The following PCDH15 variants were observed in gnomAD, a reference collection of about 807,000 sequenced individuals.
PCDH15 encodes the protein protocadherin related 15.
Under a neutral mutation model 178.5 loss-of-function variants are expected in PCDH15, and 129 were observed. That is an observed-to-expected ratio of 0.72 (90% CI 0.63 to 0.84). The LOEUF (loss-of-function observed/expected upper bound fraction) is 0.84, where lower values mean the gene tolerates loss of function less well. PCDH15 is among the 40% of genes least tolerant of loss of function. The probability of loss-of-function intolerance (pLI) is 0.00; values close to 1 mark genes in which losing one functional copy is unlikely to be tolerated. For missense variants in PCDH15, 2,230 were observed against 2,099.9 expected (o/e 1.06, Z -1.21); for synonymous variants, 800 against 732.0 (o/e 1.09, Z -1.50).
intron 1 of PCDH15, among the ~76,000 whole-genome samples, chr10:54,697,678 A>G (rs2095252126): frequency 1.0e-5 from 1 of 99,476 alleles, no homozygotes; most frequent in Non-Finnish European, 2.0e-5. Flanking sequence ...GGGAAGGGGA[A>G]GGGAGGAAGG....
chr10:54,492,272 G>A (rs1033129147), intron 3 of PCDH15, among the ~76,000 whole-genome samples: 3 of 152,144 alleles, frequency 2.0e-5, no homozygotes, highest in Non-Finnish European at 4.4e-5. Context: ...ACCACTCCCA[G>A]TAGAGAGATG....
intron 10 of PCDH15, among the ~76,000 whole-genome samples, chr10:54,208,962 CTT>C (rs1268567853): frequency 1.3e-5 from 2 of 151,994 alleles, no homozygotes; most frequent in Admixed American, 6.6e-5. Context: ...GTTTCCATCT[CTT>C]GTCTTTTTTT....
chr10:54,469,828 GTGT>G (rs2077775055), intron 3 of PCDH15, among the ~76,000 whole-genome samples: 1 of 152,124 alleles, frequency 6.6e-6, no homozygotes, highest in African/African-American at 2.4e-5. Context: ...ATCTGTACTG[GTGT>G]TGGTGGTGGC....
intron 2 of PCDH15, among the ~76,000 whole-genome samples, chr10:54,921,922 C>A (rs1389025148): frequency 6.6e-6 from 1 of 152,078 alleles, no homozygotes; most frequent in African/African-American, 2.4e-5. Flanking sequence ...CATGGTGGAG[C>A]AGAAGAGAAA....
At chr10:54,597,835 C>G (rs1365102158) in intron 2 of PCDH15, among the ~76,000 whole-genome samples, 3 of 152,028 alleles carry the variant, frequency 2.0e-5, no homozygotes, top group African/African-American at 7.2e-5. Flanking sequence ...TACAAATAAC[C>G]ATCAGAGACT....
intron 1 of PCDH15, among the ~76,000 whole-genome samples, chr10:54,690,068 C>T (rs1227543219): frequency 2.0e-5 from 3 of 152,000 alleles, no homozygotes; most frequent in Non-Finnish European, 4.4e-5. Context: ...TAATAATGGA[C>T]CACATATATG....
chr10:53,867,434 C>T (rs970075146), intron 26 of PCDH15, among the ~76,000 whole-genome samples: 2 of 152,048 alleles, frequency 1.3e-5, no homozygotes, highest in African/African-American at 4.8e-5. Context: ...GACAGATATG[C>T]TAATTACCCT....
At chr10:54,294,432 G>T (rs747243663) in intron 8 of PCDH15, among the ~76,000 whole-genome samples, 28 of 152,122 alleles carry the variant, frequency 1.8e-4, no homozygotes, top group Non-Finnish European at 3.5e-4. Context: ...TCTGCACGTT[G>T]TACACATGTA....
intron 8 of PCDH15, among the ~76,000 whole-genome samples, chr10:54,295,918 G>A (rs1000914362): frequency 1.3e-5 from 2 of 151,060 alleles, no homozygotes; most frequent in Admixed American, 6.6e-5. Flanking sequence ...GCCGAGGCGG[G>A]CGGATCACGA....
At chr10:54,179,675 C>A (rs1236359496) in intron 13 of PCDH15, among the ~76,000 whole-genome samples, 1 of 152,036 alleles carries the variant, frequency 6.6e-6, no homozygotes, top group African/African-American at 2.4e-5. Context: ...CATATTAGAA[C>A]TGTTTCAATT....
intron 9 of PCDH15, among the ~76,000 whole-genome samples, chr10:54,234,130 TTCTGTGTG>T (rs1185918228): frequency 3.8e-4 from 39 of 103,096 alleles, no homozygotes; most frequent in African/African-American, 1.3e-3. Flanking sequence ...GGATATCCCC[TTCTGTGTG>T]TGTGTGTGTG....
intron 3 of PCDH15, among the ~76,000 whole-genome samples, chr10:54,507,720 A>T (rs916604314): frequency 6.6e-6 from 1 of 152,044 alleles, no homozygotes; most frequent in African/African-American, 2.4e-5. Flanking sequence ...CTAAGCAAGT[A>T]TAAGTCAAGA....
intron 1 of PCDH15, among the ~76,000 whole-genome samples, chr10:54,685,603 A>G (rs778265639): frequency 6.6e-5 from 10 of 152,164 alleles, no homozygotes; most frequent in Non-Finnish European, 1.3e-4. Flanking sequence ...GCATGACCAT[A>G]CAAATGTACA....
chr10:55,529,754 T>TATATAC (rs1165657220), intron 2 of PCDH15, among the ~76,000 whole-genome samples: 1 of 127,844 alleles, frequency 7.8e-6, no homozygotes, highest in Non-Finnish European at 1.7e-5. Context: ...TATATATATA[T>TATATAC]ATATATATAT....
At chr10:55,099,194 G>A (rs905382888) in intron 2 of PCDH15, among the ~76,000 whole-genome samples, 1 of 152,016 alleles carries the variant, frequency 6.6e-6, no homozygotes, top group Non-Finnish European at 1.5e-5. Flanking sequence ...TTTTCCCTAT[G>A]TAGAAAATGT....
intron 20 of PCDH15, among the ~76,000 whole-genome samples, chr10:54,017,510 C>A (rs1209485499): frequency 2.0e-5 from 3 of 152,104 alleles, no homozygotes; most frequent in Non-Finnish European, 4.4e-5. Flanking sequence ...CAGCTTGAGG[C>A]CATTATCCTA....
chr10:54,191,161 G>A (rs1028963503), intron 11 of PCDH15, among the ~76,000 whole-genome samples: 1 of 152,150 alleles, frequency 6.6e-6, no homozygotes, highest in South Asian at 2.1e-4. Flanking sequence ...TTAAGTGCTG[G>A]AAACTGTGTT....
chr10:55,291,989 T>C (rs1843019616), intron 1 of PCDH15, among the ~76,000 whole-genome samples: 2 of 152,134 alleles, frequency 1.3e-5, no homozygotes, highest in Admixed American at 1.3e-4. Context: ...ACTGAGTCCT[T>C]CTCACAACAC....
At chr10:55,473,496 A>G (rs1186002149) in intron 2 of PCDH15, among the ~76,000 whole-genome samples, 3 of 152,206 alleles carry the variant, frequency 2.0e-5, no homozygotes, top group Non-Finnish European at 4.4e-5. Flanking sequence ...TAAAACAACT[A>G]CATGGAAGAA....
Sources: allele counts gnomAD v4.1 joint callset (sites outside exome capture counted in the v4.1 genomes callset), GRCh38; gene constraint gnomAD v4.1.1; transcripts MANE v1.5; gene names NCBI Gene and HGNC (gene_info 2026-07-23, HGNC 2026-07-21).